The following DOHH variants were observed in gnomAD, a reference collection of about 807,000 sequenced individuals.
DOHH encodes the protein HEAT-like (PBS lyase) repeat containing 1.
In DOHH, 16 loss-of-function variants were observed where a neutral mutation model predicts 19.9. That is an observed-to-expected ratio of 0.80 (90% CI 0.54 to 1.22). DOHH has a LOEUF of 1.22. Ranked by LOEUF, DOHH falls within the 50% of genes most tolerant of loss-of-function variation. DOHH has a pLI of 0.00. For missense variants in DOHH, 460 were observed against 460.6 expected (o/e 1.00, Z 0.01); for synonymous variants, 233 against 217.0 (o/e 1.07, Z -0.65).
chr19:3,498,617 C>G (rs1444231224), intron 1 of DOHH, among the ~76,000 whole-genome samples: 1 of 152,072 alleles, frequency 6.6e-6, no homozygotes, highest in Non-Finnish European at 1.5e-5. Context: ...GTTGGTCAGG[C>G]TGGTCTCGAA....
At chr19:3,492,651 C>T in intron 3 of DOHH, 152 bp from the exon 4 acceptor site, 1 of 638,130 alleles carries the variant, frequency 1.6e-6, no homozygotes, top group South Asian at 2.8e-5. Context: ...GCAGGGGTGG[C>T]TGACTTGTGA....
intron 2 of DOHH, among the ~76,000 whole-genome samples, chr19:3,495,589 G>A (rs542250737): frequency 3.9e-5 from 6 of 152,240 alleles, no homozygotes; most frequent in South Asian, 2.1e-4. Flanking sequence ...GTTTTTATAC[G>A]AGCAAAGAAT....
At position 3,492,282 on chromosome 19, in the gene DOHH, G is replaced by A. The variant is rs1224595696; in HGVS notation, c.569C>T (p.Ala190Val). The change falls in exon 4 of 5, where the codon GCC (alanine) becomes GTC (valine). Residue 190 changes from alanine (A) to valine (V), a missense_variant. By Grantham distance (64) the Ala-to-Val change is moderately conservative (BLOSUM62 0). Coordinates refer to ENST00000427575, the MANE Select transcript of DOHH (RefSeq NM_001145165.2). ...FALRNAGGEEAALALAEGLHC... is the reference protein window; with the variant it reads ...FALRNAGGEEVALALAEGLHC... ...CTCACCCTCGGCCAGCGCCAGGGCG[G>A]CCTCCTCGCCTCCCGCGTTGCGCAG... The A allele has an allele frequency of 2.7e-6, 4 of 1,493,134 alleles. No homozygotes were observed. The highest frequency in any genetic ancestry group is 3.5e-6 in the Non-Finnish European group (4 of 1,130,570). 92.5% of individuals were successfully genotyped at this position (1,493,134 alleles called of 1,614,324 possible).
chr19:3,491,359 G>T lies in DOHH; in HGVS notation c.*133C>A, dbSNP rs2082867771. 2.1e-6 allele frequency: 2 copies of T among 968,500 alleles called. No individual in the cohort carries two copies. The highest frequency in any genetic ancestry group is 2.8e-5 in the Admixed American group (1 of 35,112). The allele number at this position is 968,500 out of a possible 1,614,324, so 60.0% of individuals were successfully genotyped here. A position where few individuals can be genotyped will look rare whatever the true frequency, so the allele number is the denominator to read the frequency against. ...CTCCTCGGTCCCAGACGGAGGAGGGGGACAGCAACCATGCGCCCAGCAAGA... is the reference window on the plus strand; with the variant it reads ...CTCCTCGGTCCCAGACGGAGGAGGGTGACAGCAACCATGCGCCCAGCAAGA... On this transcript the variant is annotated 3_prime_UTR_variant, in exon 5 of 5. Coordinates refer to ENST00000427575, the MANE Select transcript of DOHH (RefSeq NM_001145165.2). This position sits in a 1 kb window ranked among gnomAD's most constrained non-coding sequence, Gnocchi z 5.6.
At chr19:3,499,499 G>A (rs1197952143) in intron 1 of DOHH, among the ~76,000 whole-genome samples, 2 of 152,304 alleles carry the variant, frequency 1.3e-5, no homozygotes, top group South Asian at 4.1e-4. Flanking sequence ...CCGGCTGGGC[G>A]CGGTGGCTCA....
In DOHH at chr19:3,491,194, C is replaced by T; in HGVS notation, c.*298G>A. The T allele has an allele frequency of 2.1e-6, 1 of 481,924 alleles. No homozygotes were observed. Among genetic ancestry groups the T allele is most frequent in the Non-Finnish European group, 3.6e-6 (1 of 275,464 alleles). 29.9% of individuals were successfully genotyped at this position (481,924 alleles called of 1,614,324 possible). On this transcript the variant is annotated 3_prime_UTR_variant, in exon 5 of 5. Coordinates refer to ENST00000427575, the MANE Select transcript of DOHH (RefSeq NM_001145165.2). The surrounding 1 kb of genome is among the most constrained non-coding windows in gnomAD (Gnocchi z 5.6). ...CGCGATCCTCCCCTGGCTTCCCTCG[C>T]AATCCTCCCCTGTCCTGAGCCGGGC...
Position 3,496,979 on chromosome 19 carries a change from T to C in DOHH, c.-72-93A>G. The C allele has an allele frequency of 2.4e-6, 2 of 832,162 alleles. No individual in the cohort carries two copies. Among genetic ancestry groups the C allele is most frequent in the Non-Finnish European group, 3.3e-6 (2 of 607,366 alleles). 51.5% of individuals were successfully genotyped at this position (832,162 alleles called of 1,614,324 possible). ...CTGGGTGGGGCAAATTCCTACCCAC[T>C]GACCAACCTGAGCATCTACGCTGAA... is the stretch of plus-strand genomic sequence containing the variant. On this transcript the variant is annotated intron_variant, in intron 1 of 4. Transcript: ENST00000427575. The surrounding 1 kb of genome is among the most constrained non-coding windows in gnomAD (Gnocchi z 4.8).
intron 1 of DOHH, among the ~76,000 whole-genome samples, chr19:3,498,464 G>T (rs2082925877): frequency 6.6e-6 from 1 of 152,060 alleles, no homozygotes; most frequent in Admixed American, 6.6e-5. Context: ...GGAGTGTAGT[G>T]GCATTATCTC....
Position 3,492,272 on chromosome 19 carries a change from C to G in DOHH, c.579G>C (p.Ala193=). 1 of 1,475,208 alleles carries G rather than the reference C, an allele frequency of 6.8e-7. No homozygotes were observed. The highest frequency in any genetic ancestry group is 2.4e-5 in the Admixed American group (1 of 41,424). 91.4% of individuals were successfully genotyped at this position (1,475,208 alleles called of 1,614,324 possible). A position where few individuals can be genotyped will look rare whatever the true frequency, so the allele number is the denominator to read the frequency against. The change falls in exon 4 of 5, where the codon GCG becomes GCC. Residue 193 remains alanine (A), a synonymous_variant. Transcript: ENST00000427575. ...GAAGCCCCTCCTCACCCTCGGCCAGCGCCAGGGCGGCCTCCTCGCCTCCCG... is the reference window on the plus strand; with the variant it reads ...GAAGCCCCTCCTCACCCTCGGCCAGGGCCAGGGCGGCCTCCTCGCCTCCCG... ...RNAGGEEAAL[A]LAEGLHCGSA... is the part of the protein sequence containing the mutation.
Position 3,494,100 on chromosome 19 carries a change from C to T in DOHH, c.279G>A (p.Glu93=). Residue 93 remains glutamate (E), a synonymous_variant, in exon 3 of 5, where the codon GAG becomes GAA. Transcript: ENST00000427575. ...QEPMVRHEAG[E]ALGAIGDPEV... ...CCGGGTCCCCGATGGCCCCCAGGGC[C>T]TCCCCTGGGAAGAAGCAGCCGGAGA... is the stretch of plus-strand genomic sequence containing the variant. 6.2e-7 allele frequency: 1 copy of T among 1,613,408 alleles called. No individual in the cohort carries two copies. Among genetic ancestry groups the T allele is most frequent in the Non-Finnish European group, 8.5e-7 (1 of 1,179,460 alleles).
chr19:3,493,089 C>T (rs1447694082), intron 3 of DOHH, among the ~76,000 whole-genome samples: 1 of 152,222 alleles, frequency 6.6e-6, no homozygotes, highest in Admixed American at 6.5e-5. Context: ...AGAGACAATT[C>T]AAGCATCCAG....
rs757916302 is a variant in DOHH at position 3,496,834 on chromosome 19, G to C, written c.-20C>G. On this transcript the variant is annotated 5_prime_UTR_variant, in exon 2 of 5. Coordinates refer to ENST00000427575, the MANE Select transcript of DOHH (RefSeq NM_001145165.2). The surrounding 1 kb of genome is among the most constrained non-coding windows in gnomAD (Gnocchi z 4.8). ...CACCATCGTGCTGTCAATGGGTCCCGGCCTTCCACAACCCTGCTCAGGCTA... is the reference window on the plus strand; with the variant it reads ...CACCATCGTGCTGTCAATGGGTCCCCGCCTTCCACAACCCTGCTCAGGCTA... 5 of 1,543,820 alleles carry C rather than the reference G, an allele frequency of 3.2e-6. No individual in the cohort carries two copies. Among genetic ancestry groups the C allele is most frequent in the Non-Finnish European group, 4.4e-6 (5 of 1,148,246 alleles).
In DOHH at chr19:3,492,290, G is replaced by A. The variant is rs751200106; in HGVS notation, c.561C>T (p.Gly187=). The A allele has an allele frequency of 1.3e-6, 2 of 1,502,100 alleles. No homozygotes were observed. Among genetic ancestry groups the A allele is most frequent in the Admixed American group, 2.2e-5 (1 of 45,108 alleles). The allele number at this position is 1,502,100 out of a possible 1,614,324, so 93.0% of individuals were successfully genotyped here. A position where few individuals can be genotyped will look rare whatever the true frequency, so the allele number is the denominator to read the frequency against. Residue 187 remains glycine, a synonymous_variant, in exon 4 of 5, where the codon GGC becomes GGT. Coordinates refer to ENST00000427575, the MANE Select transcript of DOHH (RefSeq NM_001145165.2). ...RAMFALRNAG[G]EEAALALAEG... ...CGGCCAGCGCCAGGGCGGCCTCCTC[G>A]CCTCCCGCGTTGCGCAGGGCGAACA...
Position 3,494,053 on chromosome 19 carries a change from T to C in DOHH, c.326A>G (p.Gln109Arg), listed in dbSNP as rs1311144962. ...GDPEVLEILK[Q>R]YSSDPVIEVA... The stretch of plus-strand genomic sequence containing the variant: ...CTCGATGACGGGGTCCGAGGAATAC[T>C]GCTTCAGGATCTCCAGAACTTCCGG... The change falls in exon 3 of 5, where the codon CAG becomes CGG. Residue 109 changes from glutamine to arginine, a missense_variant. Gln to Arg is a conservative substitution (Grantham distance 43). Transcript: ENST00000427575. 6.2e-7 allele frequency: 1 copy of C among 1,613,720 alleles called. No homozygotes were observed. Among genetic ancestry groups the C allele is most frequent in the Non-Finnish European group, 8.5e-7 (1 of 1,179,774 alleles).
At position 3,492,321 on chromosome 19, in the gene DOHH, C is replaced by T; in HGVS notation, c.530G>A (p.Arg177His). Residue 177 changes from arginine (R) to histidine (H), a missense_variant, in exon 4 of 5, where the codon CGC becomes CAC. By Grantham distance (29) the Arg-to-His change is conservative (BLOSUM62 0). Coordinates refer to ENST00000427575, the MANE Select transcript of DOHH (RefSeq NM_001145165.2). ...DESRPLFERY[R>H]AMFALRNAGG... ...CGCGTTGCGCAGGGCGAACATGGCG[C>T]GGTATCGCTCGAAGAGCGGCCGGGA... 5 of 1,543,694 alleles carry T rather than the reference C, an allele frequency of 3.2e-6. No homozygotes were observed. Among genetic ancestry groups the T allele is most frequent in the Non-Finnish European group, 4.3e-6 (5 of 1,152,656 alleles).
In DOHH at chr19:3,496,043, ACT is replaced by A. The variant is rs1302409520; in HGVS notation, c.274+496_274+497del. Among the ~76,000 whole-genome samples the A allele has an allele frequency of 2.0e-5, 3 of 151,658 alleles. No homozygotes were observed. The highest frequency in any genetic ancestry group is 7.3e-5 in the African/African-American group (3 of 41,348). On this transcript the variant is annotated intron_variant, in intron 2 of 4. Coordinates refer to ENST00000427575, the MANE Select transcript of DOHH (RefSeq NM_001145165.2). This position sits in a 1 kb window ranked among gnomAD's most constrained non-coding sequence, Gnocchi z 4.8. Reference sequence around the variant, plus strand: ...TTTGTTTTTTCACAGACAGGATCTCACTCTGTTGCCCAGGCTGGAGTGCGGTG... The same window carrying A: ...TTTGTTTTTTCACAGACAGGATCTCACTGTTGCCCAGGCTGGAGTGCGGTG...
rs1264834817 is a variant in DOHH, at chr19:3,491,448, C to A, written c.*44G>T. 1.3e-6 allele frequency: 2 copies of A among 1,499,872 alleles called. No individual in the cohort carries two copies. Among genetic ancestry groups the A allele is most frequent in the Non-Finnish European group, 8.9e-7 (1 of 1,129,312 alleles). The allele number at this position is 1,499,872 out of a possible 1,614,324, so 92.9% of individuals were successfully genotyped here. A position where few individuals can be genotyped will look rare whatever the true frequency, so the allele number is the denominator to read the frequency against. On this transcript the variant is annotated 3_prime_UTR_variant, in exon 5 of 5. Transcript: ENST00000427575. The surrounding 1 kb of genome is among the most constrained non-coding windows in gnomAD (Gnocchi z 5.6). ...ACGCCAAAGCTCTGCGGGGGAGGAG[C>A]GGCCCTCAAGAGTCCTCCGGGAGCT... is the stretch of plus-strand genomic sequence containing the variant.
chr19:3,496,571 G>A lies in DOHH; in HGVS notation c.244C>T (p.Arg82Cys), dbSNP rs772306107. 1.5e-5 allele frequency: 24 copies of A among 1,613,360 alleles called. No individual in the cohort carries two copies. In the African/African-American group the frequency reaches 1.9e-4, roughly 13 times the overall value. Residue 82 changes from arginine (R) to cysteine (C), a missense_variant, in exon 2 of 5, where the codon CGT becomes TGT. By Grantham distance (180) the Arg-to-Cys change is radical. Coordinates refer to ENST00000427575, the MANE Select transcript of DOHH (RefSeq NM_001145165.2). This position sits in a 1 kb window ranked among gnomAD's most constrained non-coding sequence, Gnocchi z 4.8. Reference protein sequence around the residue: ...PMLVDVLQDTRQEPMVRHEAG... With the variant: ...PMLVDVLQDTCQEPMVRHEAG... ...TCATGGCGCACCATGGGCTCCTGAC[G>A]GGTGTCTTGCAGCACGTCCACCAGC...
Position 3,496,570 on chromosome 19 carries a change from C to A in DOHH, c.245G>T (p.Arg82Leu), listed in dbSNP as rs779284637. Reference sequence around the variant, plus strand: ...CTCATGGCGCACCATGGGCTCCTGACGGGTGTCTTGCAGCACGTCCACCAG... The same window carrying A: ...CTCATGGCGCACCATGGGCTCCTGAAGGGTGTCTTGCAGCACGTCCACCAG... ...PMLVDVLQDT[R>L]QEPMVRHEAG... The change falls in exon 2 of 5, where the codon CGT becomes CTT. Residue 82 changes from arginine (R) to leucine (L), a missense_variant. Transcript: ENST00000427575. The surrounding 1 kb of genome is among the most constrained non-coding windows in gnomAD (Gnocchi z 4.8). The A allele has an allele frequency of 6.2e-7, 1 of 1,613,488 alleles. No homozygotes were observed. The highest frequency in any genetic ancestry group is 8.5e-7 in the Non-Finnish European group (1 of 1,179,846).
Sources: gnomAD v4.1 joint callset for allele counts (sites outside exome capture counted in the v4.1 genomes callset) on GRCh38, gnomAD v4.1.1 for gene constraint, Gnocchi (gnomAD v3.1) non-coding constraint, MANE v1.5 for transcripts, NCBI Gene and HGNC (gene_info 2026-07-23, HGNC 2026-07-21) for gene names.